DPP10: variants seen among roughly 807,000 people sequenced by gnomAD.
DPP10 encodes the protein dipeptidyl peptidase like 10.
DPP10 carries 33 observed loss-of-function variants against 120.9 expected under a neutral mutation model. That is an observed-to-expected ratio of 0.27 (90% CI 0.21 to 0.37). The LOEUF (loss-of-function observed/expected upper bound fraction) is 0.37. DPP10 is among the 10% of genes least tolerant of loss of function. DPP10 has a pLI of 1.00. For missense variants in DPP10, 816 were observed against 942.8 expected (o/e 0.87, Z 1.76); for synonymous variants, 337 against 326.1 (o/e 1.03, Z -0.36).
intron 1 of DPP10, among the ~76,000 whole-genome samples, chr2:114,965,963 TC>T (rs1318510393): frequency 7.7e-5 from 1 of 13,034 alleles, no homozygotes; most frequent in African/African-American, 2.9e-4. Flanking sequence ...AGACTCCTTC[TC>T]AAAAAAAAAA....
chr2:115,648,705 C>T (rs1463527609), intron 5 of DPP10, among the ~76,000 whole-genome samples: 1 of 151,690 alleles, frequency 6.6e-6, no homozygotes, highest in East Asian at 1.9e-4. Flanking sequence ...AGGTAATTTA[C>T]ATAGATTATC....
At chr2:115,113,573 A>AT (rs1484192432) in intron 1 of DPP10, among the ~76,000 whole-genome samples, 11 of 152,286 alleles carry the variant, frequency 7.2e-5, no homozygotes, top group Non-Finnish European at 1.2e-4. Flanking sequence ...GCATTAAATC[A>AT]TACATGTCCA....
At chr2:114,508,337 A>G (rs1170973942) in intron 1 of DPP10, among the ~76,000 whole-genome samples, 3 of 152,224 alleles carry the variant, frequency 2.0e-5, no homozygotes, top group South Asian at 2.1e-4. Context: ...TTCCATATAC[A>G]TGGAAACGTA....
intron 5 of DPP10, among the ~76,000 whole-genome samples, chr2:115,554,493 T>C (rs1170120361): frequency 1.3e-5 from 2 of 152,010 alleles, no homozygotes; most frequent in African/African-American, 4.8e-5. Flanking sequence ...ACTAAATAAA[T>C]CAAATGCATT....
chr2:115,022,197 C>T (rs1280194451), intron 1 of DPP10, among the ~76,000 whole-genome samples: 3 of 151,950 alleles, frequency 2.0e-5, no homozygotes, highest in African/African-American at 7.2e-5. Flanking sequence ...TAAAGGGCAT[C>T]CAAATTGGTA....
At chr2:114,679,261 A>G (rs1307060464) in intron 1 of DPP10, among the ~76,000 whole-genome samples, 1 of 152,052 alleles carries the variant, frequency 6.6e-6, no homozygotes, top group Admixed American at 6.6e-5. Flanking sequence ...AATACAAAAA[A>G]GCCTCTTGGC....
chr2:115,768,272 T>C (rs1681038467), intron 12 of DPP10, 25 bp from the exon 13 acceptor site: 1 of 1,604,558 alleles, frequency 6.2e-7, no homozygotes, highest in Non-Finnish European at 8.5e-7. Flanking sequence ...TTTCTGAGAT[T>C]GTTCTGTGCT....
rs749248724 is a variant in DPP10 at position 115,836,529 on chromosome 2, C to T, written c.2073C>T (p.Tyr691=). The T allele has an allele frequency of 5.2e-5, 84 of 1,613,522 alleles. 2 individuals are homozygous for T. The South Asian group carries it at 7.4e-4, about 14-fold the overall frequency. The change falls in exon 23 of 26, where the codon TAC becomes TAT. Residue 691 remains tyrosine, a synonymous_variant. Coordinates refer to ENST00000410059, the MANE Select transcript of DPP10 (RefSeq NM_020868.6). ...CAGCCTCAGCTTTCTCTGAAAGATACCTTGGGATGCCATCTAAGGAAGAAA... is the reference window on the plus strand; with the variant it reads ...CAGCCTCAGCTTTCTCTGAAAGATATCTTGGGATGCCATCTAAGGAAGAAA... ...KLYASAFSER[Y]LGMPSKEEST... is the part of the protein sequence containing the mutation.
chr2:115,631,138 C>T (rs1245471054), intron 5 of DPP10, among the ~76,000 whole-genome samples: 1 of 147,290 alleles, frequency 6.8e-6, no homozygotes, highest in Non-Finnish European at 1.5e-5. Context: ...ACTTCTTCCT[C>T]GTTCAGTCTT....
At chr2:115,544,548 C>A (rs930065922) in intron 5 of DPP10, among the ~76,000 whole-genome samples, 1 of 152,022 alleles carries the variant, frequency 6.6e-6, no homozygotes, top group Non-Finnish European at 1.5e-5. Flanking sequence ...TCCCTGAGTT[C>A]ATTCTGGCCC....
At chr2:114,793,878 G>C (rs188976188) in intron 1 of DPP10, among the ~76,000 whole-genome samples, 1 of 152,072 alleles carries the variant, frequency 6.6e-6, no homozygotes, top group Non-Finnish European at 1.5e-5. Context: ...TTACTCTCTA[G>C]TGCTTCAAGT....
chr2:115,697,182 G>A (rs1031892635), intron 7 of DPP10, among the ~76,000 whole-genome samples: 19 of 151,962 alleles, frequency 1.3e-4, no homozygotes, highest in African/African-American at 4.3e-4. Flanking sequence ...CAAAAGATAA[G>A]GGATATAGAA....
intron 3 of DPP10, among the ~76,000 whole-genome samples, chr2:115,436,073 A>G (rs2071464455): frequency 6.6e-6 from 1 of 151,696 alleles, no homozygotes; most frequent in South Asian, 2.1e-4. Context: ...TTACAAAACA[A>G]CTCTGTTAAT....
intron 1 of DPP10, among the ~76,000 whole-genome samples, chr2:114,731,225 C>CT (rs199539150): frequency 0.027 from 3,793 of 139,378 alleles, 82 homozygotes; most frequent in African/African-American, 0.06. Flanking sequence ...TCACTTGAGG[C>CT]TTTTTTTTTT....
chr2:114,718,283 TA>T (rs1425389640), intron 1 of DPP10, among the ~76,000 whole-genome samples: 2 of 149,068 alleles, frequency 1.3e-5, no homozygotes, highest in East Asian at 2.0e-4. Flanking sequence ...TAATTGAAAG[TA>T]AAAATTTAAT....
intron 5 of DPP10, among the ~76,000 whole-genome samples, chr2:115,591,394 C>T (rs751357969): frequency 5.6e-4 from 85 of 152,264 alleles, no homozygotes; most frequent in Non-Finnish European, 1.1e-3. Context: ...TTTCCCAGCA[C>T]CATTTATTAA....
chr2:115,176,902 C>T (rs1026206758), intron 1 of DPP10, among the ~76,000 whole-genome samples: 1 of 152,100 alleles, frequency 6.6e-6, no homozygotes, highest in Admixed American at 6.5e-5. Flanking sequence ...GCACCTGCTC[C>T]CTTAGGCAAT....
intron 1 of DPP10, among the ~76,000 whole-genome samples, chr2:114,667,188 C>T (rs565394552): frequency 3.3e-5 from 5 of 152,034 alleles, no homozygotes; most frequent in African/African-American, 4.8e-5. Context: ...TAATGTTCAT[C>T]GATTAAACAA....
At chr2:115,445,904 G>A (rs2072540295) in intron 3 of DPP10, among the ~76,000 whole-genome samples, 1 of 152,196 alleles carries the variant, frequency 6.6e-6, no homozygotes, top group Non-Finnish European at 1.5e-5. Flanking sequence ...GGTTTTGTAA[G>A]ATGGGCCCAG....
Sources: allele counts gnomAD v4.1 joint callset (sites outside exome capture counted in the v4.1 genomes callset), GRCh38; gene constraint gnomAD v4.1.1; transcripts MANE v1.5; gene names NCBI Gene and HGNC (gene_info 2026-07-23, HGNC 2026-07-21).